ROBO1: variants seen among roughly 807,000 people sequenced by gnomAD.
ROBO1 encodes the protein roundabout guidance receptor 1.
Under a neutral mutation model 195.9 loss-of-function variants are expected in ROBO1, and 149 were observed. The observed-to-expected ratio is 0.76, with a 90% CI of 0.67 to 0.87. The LOEUF is 0.87. ROBO1 is among the 40% of genes least tolerant of loss of function. The pLI is 0.00. For synonymous variants in ROBO1, 816 were observed against 733.2 expected (o/e 1.11, Z -1.82); for missense variants, 1,933 against 2,068.3 (o/e 0.93, Z 1.27).
intron 2 of ROBO1, among the ~76,000 whole-genome samples, chr3:79,300,481 C>T (rs1018073748): frequency 3.9e-5 from 6 of 152,228 alleles, no homozygotes; most frequent in African/African-American, 1.4e-4. Flanking sequence ...GACCTGCAGC[C>T]CGCCATGCCT....
intron 2 of ROBO1, among the ~76,000 whole-genome samples, chr3:79,364,792 C>T (rs2035905307): frequency 6.6e-6 from 1 of 152,108 alleles, no homozygotes; most frequent in Admixed American, 6.5e-5. Flanking sequence ...CGTCCGATAC[C>T]TTAACTTTAG....
At chr3:79,509,941 C>T (rs1305881278) in intron 2 of ROBO1, among the ~76,000 whole-genome samples, 1 of 151,904 alleles carries the variant, frequency 6.6e-6, no homozygotes, top group Non-Finnish European at 1.5e-5. Context: ...TACCATATAT[C>T]AGGCATGGTG....
intron 1 of ROBO1, among the ~76,000 whole-genome samples, chr3:79,658,672 A>C (rs1466900682): frequency 6.6e-6 from 1 of 152,066 alleles, no homozygotes; most frequent in African/African-American, 2.4e-5. Flanking sequence ...AATATATAAT[A>C]ATTATATTGG....
Position 78,617,778 on chromosome 3 carries a change from T to C in ROBO1, c.4139A>G (p.Glu1380Gly). Residue 1380 changes from glutamate to glycine, a missense_variant, in exon 27 of 31, where the codon GAG (glutamate) becomes GGG (glycine). Coordinates refer to ENST00000464233, the MANE Select transcript of ROBO1 (RefSeq NM_002941.4). The stretch of plus-strand genomic sequence containing the variant: ...GGAGCGTCCGCTGGAAATGTTGTCC[T>C]CCTCTGAGGCTGAGCCCCAGCCGTT... ...MINGWGSASE[E>G]DNISSGRSSV... is the part of the protein sequence containing the mutation. 1 of 1,613,870 alleles carries C rather than the reference T, an allele frequency of 6.2e-7. No homozygotes were observed. Among genetic ancestry groups the C allele is most frequent in the Non-Finnish European group, 8.5e-7 (1 of 1,179,854 alleles).
At chr3:79,613,156 A>G (rs1944716466) in intron 1 of ROBO1, among the ~76,000 whole-genome samples, 1 of 151,998 alleles carries the variant, frequency 6.6e-6, no homozygotes, top group South Asian at 2.1e-4. Flanking sequence ...AGGGTCAAGT[A>G]TATTTTGGAG....
chr3:79,481,394 T>C (rs756032493), intron 2 of ROBO1, among the ~76,000 whole-genome samples: 39 of 152,144 alleles, frequency 2.6e-4, no homozygotes, highest in Non-Finnish European at 4.9e-4. Flanking sequence ...CAGGTATAAG[T>C]GCACAATTTA....
At chr3:79,156,368 T>C (rs762242395) in intron 2 of ROBO1, among the ~76,000 whole-genome samples, 2 of 151,848 alleles carry the variant, frequency 1.3e-5, no homozygotes, top group Admixed American at 6.6e-5. Flanking sequence ...TTATTGGCTA[T>C]AGATTAAACT....
intron 3 of ROBO1, among the ~76,000 whole-genome samples, chr3:79,085,588 A>G (rs532192283): frequency 2.4e-3 from 365 of 152,284 alleles, no homozygotes; most frequent in African/African-American, 8.4e-3. Flanking sequence ...GCTGCTGTAC[A>G]TAAGAGAGTG....
At chr3:78,646,104 T>G in intron 21 of ROBO1, 44 bp downstream of exon 21, 1 of 1,538,030 alleles carries the variant, frequency 6.5e-7, no homozygotes, top group South Asian at 1.1e-5. Context: ...TGAAGAAATA[T>G]TTGGAATTCC....
rs188471574 is a variant in ROBO1 at position 79,429,440 on chromosome 3, G to C, written c.88+160384C>G. ...AAAGTCTGACCCTCTCTCACACTCAGGTTCCGGGTCAGCAAATACAACTCA... is the reference window on the plus strand; with the variant it reads ...AAAGTCTGACCCTCTCTCACACTCACGTTCCGGGTCAGCAAATACAACTCA... On this transcript the variant is annotated intron_variant, in intron 2 of 30. Coordinates refer to ENST00000464233, the MANE Select transcript of ROBO1 (RefSeq NM_002941.4). 3.0e-3 allele frequency among the ~76,000 whole-genome samples: 450 copies of C among 152,174 alleles called. 2 individuals are homozygous for C. The highest frequency in any genetic ancestry group is 9.5e-3 in the African/African-American group (393 of 41,528).
chr3:79,381,688 G>A (rs1376672857), intron 2 of ROBO1, among the ~76,000 whole-genome samples: 1 of 151,698 alleles, frequency 6.6e-6, no homozygotes, highest in Non-Finnish European at 1.5e-5. Context: ...CCAATAACAG[G>A]GCTTAAGGCA....
At chr3:79,420,123 C>A (rs1238744896) in intron 2 of ROBO1, among the ~76,000 whole-genome samples, 3 of 152,078 alleles carry the variant, frequency 2.0e-5, no homozygotes, top group Admixed American at 6.6e-5. Context: ...CTATGAGTAT[C>A]ATTATATTCC....
intron 2 of ROBO1, among the ~76,000 whole-genome samples, chr3:79,459,064 A>C (rs183330429): frequency 6.6e-6 from 1 of 152,292 alleles, no homozygotes; most frequent in Admixed American, 6.5e-5. Context: ...ACATTGAATT[A>C]TTTTAACTAT....
At chr3:78,623,566 A>G (rs1249507020) in intron 26 of ROBO1, among the ~76,000 whole-genome samples, 1 of 152,202 alleles carries the variant, frequency 6.6e-6, no homozygotes, top group African/African-American at 2.4e-5. Flanking sequence ...AGCCATTGAG[A>G]GATCTTAAGC....
chr3:79,045,847 G>T (rs1292625308), intron 3 of ROBO1, among the ~76,000 whole-genome samples: 1 of 152,056 alleles, frequency 6.6e-6, no homozygotes, highest in Non-Finnish European at 1.5e-5. Context: ...TAGTCTGGAG[G>T]TCCTTAATAC....
chr3:79,324,897 A>C (rs1198414493), intron 2 of ROBO1, among the ~76,000 whole-genome samples: 1 of 152,212 alleles, frequency 6.6e-6, no homozygotes, highest in Non-Finnish European at 1.5e-5. Context: ...CAGGGAGACA[A>C]GAATACAAAG....
chr3:78,607,177 A>C, intron 28 of ROBO1, 136 bp from the exon 29 acceptor site: 1 of 827,868 alleles, frequency 1.2e-6, no homozygotes, highest in Non-Finnish European at 1.8e-6. Context: ...GAAGGTAACC[A>C]AGGAAAAATA....
chr3:79,438,335 C>T (rs1025990802), intron 2 of ROBO1, among the ~76,000 whole-genome samples: 20 of 151,860 alleles, frequency 1.3e-4, no homozygotes, highest in African/African-American at 4.6e-4. Flanking sequence ...TTAACACTAA[C>T]ATCATGGGTT....
At chr3:78,910,629 C>T (rs929122894) in intron 4 of ROBO1, among the ~76,000 whole-genome samples, 13 of 151,900 alleles carry the variant, frequency 8.6e-5, no homozygotes, top group African/African-American at 2.7e-4. Context: ...AAGAGAGAAA[C>T]GGCAAATGAC....
Sources: allele counts gnomAD v4.1 joint callset (sites outside exome capture counted in the v4.1 genomes callset), GRCh38; gene constraint gnomAD v4.1.1; transcripts MANE v1.5; gene names NCBI Gene and HGNC (gene_info 2026-07-23, HGNC 2026-07-21).